OR5A1: variants seen among roughly 807,000 people sequenced by gnomAD.
OR5A1 encodes olfactory receptor 5A1.
Under a neutral mutation model 6.7 loss-of-function variants are expected in OR5A1, and 6 were observed. That is an observed-to-expected ratio of 0.89 (90% CI 0.49 to 1.76). The LOEUF is 1.76. OR5A1 is among the 40% of genes most tolerant of loss of function. The pLI, the probability that OR5A1 is intolerant of heterozygous loss-of-function variation, is 0.01. For synonymous variants in OR5A1, 170 were observed against 155.0 expected (o/e 1.10, Z -0.72); for missense variants, 378 against 381.7 (o/e 0.99, Z 0.08).
At position 59,444,784 on chromosome 11, in the gene OR5A1, T is replaced by A. The variant is rs1179061796; in HGVS notation, c.*668T>A. Reference sequence around the variant, plus strand: ...CTCCCTGTTGAATTCCAATTATGGCTACTGAGTAATTTGCTAAGCAAATGC... The same window carrying A: ...CTCCCTGTTGAATTCCAATTATGGCAACTGAGTAATTTGCTAAGCAAATGC... On this transcript the variant is annotated 3_prime_UTR_variant, in exon 2 of 2. Coordinates refer to ENST00000641045, the MANE Select transcript of OR5A1 (RefSeq NM_001004728.2). 6.6e-6 allele frequency: 1 copy of A among 152,224 alleles called. No homozygotes were observed. The highest frequency in any genetic ancestry group is 1.5e-5 in the Non-Finnish European group (1 of 68,054). The allele number at this position is 152,224 out of a possible 1,614,324, so 9.4% of individuals were successfully genotyped here.
chr11:59,450,786 A>C lies in OR5A1; in HGVS notation c.*6670A>C, dbSNP rs1213900772. The C allele has an allele frequency of 2.0e-5, 3 of 152,206 alleles. No individual in the cohort carries two copies. Among genetic ancestry groups the C allele is most frequent in the Non-Finnish European group, 4.4e-5 (3 of 68,036 alleles). The allele number at this position is 152,206 out of a possible 1,614,324, so 9.4% of individuals were successfully genotyped here. On this transcript the variant is annotated 3_prime_UTR_variant, in exon 2 of 2. Transcript: ENST00000641045. ...CATCATGTGACATATTCAGTGTTTT[A>C]ATCTGTCACTAAAAAGAAATCTTTC...
rs932134703 is a variant in OR5A1 at position 59,448,826 on chromosome 11, A to G, written c.*4710A>G. 6.6e-6 allele frequency: 1 copy of G among 152,206 alleles called. No homozygotes were observed. Among genetic ancestry groups the G allele is most frequent in the Non-Finnish European group, 1.5e-5 (1 of 68,034 alleles). 9.4% of individuals were successfully genotyped at this position (152,206 alleles called of 1,614,324 possible). A position where few individuals can be genotyped will look rare whatever the true frequency, so the allele number is the denominator to read the frequency against. On this transcript the variant is annotated 3_prime_UTR_variant, in exon 2 of 2. Transcript: ENST00000641045. ...TAATTGATCTGTTGGAAAAAAATCA[A>G]TTATGTGACCCAAATTGTGACCATT...
rs774227701 is a variant in OR5A1, at chr11:59,443,256, C to A, written c.88C>A (p.Leu30Ile). The change falls in exon 2 of 2, where the codon CTC becomes ATC. Residue 30 changes from leucine to isoleucine, a missense_variant. Physicochemically the swap from Leu to Ile is conservative, Grantham distance 5 (BLOSUM62 2). Transcript: ENST00000641045. ...FTDHPELQALLFVTFLGIYLT... is the reference protein window; with the variant it reads ...FTDHPELQALIFVTFLGIYLT... ...AGACCATCCAGAACTCCAGGCCCTCCTCTTTGTGACCTTCCTGGGCATCTA... is the reference window on the plus strand; with the variant it reads ...AGACCATCCAGAACTCCAGGCCCTCATCTTTGTGACCTTCCTGGGCATCTA... The A allele has an allele frequency of 6.2e-7, 1 of 1,613,900 alleles. No individual in the cohort carries two copies. The highest frequency in any genetic ancestry group is 8.5e-7 in the Non-Finnish European group (1 of 1,179,970).
At position 59,447,451 on chromosome 11, in the gene OR5A1, T is replaced by C. The variant is rs554393624; in HGVS notation, c.*3335T>C. 1.2e-4 allele frequency: 18 copies of C among 152,322 alleles called. No homozygotes were observed. The highest frequency in any genetic ancestry group is 1.0e-3 in the Admixed American group (16 of 15,302). 9.4% of individuals were successfully genotyped at this position (152,322 alleles called of 1,614,324 possible). A position where few individuals can be genotyped will look rare whatever the true frequency, so the allele number is the denominator to read the frequency against. On this transcript the variant is annotated 3_prime_UTR_variant, in exon 2 of 2. Coordinates refer to ENST00000641045, the MANE Select transcript of OR5A1 (RefSeq NM_001004728.2). ...TGCAACAATTAGGCCAGTAAAATTT[T>C]AGGAATGAAAAGTTGACACTATATC...
chr11:59,443,574 C>T lies in OR5A1; in HGVS notation c.406C>T (p.Pro136Ser), dbSNP rs376737822. Residue 136 changes from proline to serine, a missense_variant, in exon 2 of 2, where the codon CCC becomes TCC. Physicochemically the swap from Pro to Ser is moderately conservative, Grantham distance 74. Coordinates refer to ENST00000641045, the MANE Select transcript of OR5A1 (RefSeq NM_001004728.2). ...AGCCATCTCCAGCCCCCTTCTCTAC[C>T]CCACTATCATGACCCAGGGCCTCTG... ...YAAISSPLLYPTIMTQGLCTR... is the reference protein window; with the variant it reads ...YAAISSPLLYSTIMTQGLCTR... 101 of 1,613,944 alleles carry T rather than the reference C, an allele frequency of 6.3e-5. No homozygotes were observed. In the South Asian group the frequency reaches 1.0e-3, roughly 17 times the overall value.
At position 59,443,449 on chromosome 11, in the gene OR5A1, C is replaced by T. The variant is rs777859070; in HGVS notation, c.281C>T (p.Thr94Ile). Residue 94 changes from threonine (T) to isoleucine (I), a missense_variant, in exon 2 of 2, where the codon ACC becomes ATC. By Grantham distance (89) the Thr-to-Ile change is moderately conservative. Transcript: ENST00000641045. ...MLTDFFWEQK[T>I]ISFVGCAAQF... The stretch of plus-strand genomic sequence containing the variant: ...ACTGACTTCTTCTGGGAGCAGAAGA[C>T]CATATCATTTGTGGGCTGTGCTGCT... 16 of 1,613,938 alleles carry T rather than the reference C, an allele frequency of 9.9e-6. No homozygotes were observed. Among genetic ancestry groups the T allele is most frequent in the Middle Eastern group, 1.6e-4 (1 of 6,062 alleles).
In OR5A1 at chr11:59,449,568, C is replaced by T. The variant is rs1296985089; in HGVS notation, c.*5452C>T. On this transcript the variant is annotated 3_prime_UTR_variant, in exon 2 of 2. Transcript: ENST00000641045. ...CCATGTGTAAAAAAATAATAACTAG[C>T]ATGATCTCTTTCTTAAAAGGTGATT... 1 of 152,080 alleles carries T rather than the reference C, an allele frequency of 6.6e-6. No individual in the cohort carries two copies. The highest frequency in any genetic ancestry group is 2.4e-5 in the African/African-American group (1 of 41,412). 9.4% of individuals were successfully genotyped at this position (152,080 alleles called of 1,614,324 possible). A position where few individuals can be genotyped will look rare whatever the true frequency, so the allele number is the denominator to read the frequency against.
rs1858548959 is a variant in OR5A1 at position 59,446,337 on chromosome 11, G to T, written c.*2221G>T. On this transcript the variant is annotated 3_prime_UTR_variant, in exon 2 of 2. Transcript: ENST00000641045. Reference sequence around the variant, plus strand: ...TCTGAGATCTCTATTGTGTTCTATTGGTCTACGTGTCTGTTTTTGTACAAG... The same window carrying T: ...TCTGAGATCTCTATTGTGTTCTATTTGTCTACGTGTCTGTTTTTGTACAAG... The T allele has an allele frequency of 6.6e-6, 1 of 152,098 alleles. No homozygotes were observed. The highest frequency in any genetic ancestry group is 1.5e-5 in the Non-Finnish European group (1 of 68,020). The allele number at this position is 152,098 out of a possible 1,614,324, so 9.4% of individuals were successfully genotyped here.
Position 59,444,066 on chromosome 11 carries a change from A to G in OR5A1, c.898A>G (p.Ile300Val), listed in dbSNP as rs1158647428. ...CATTTACAGTTTGAGGAACAAAGAG[A>G]TCAAGGATGCCCTGTGGAAGGTGTT... ...PLIYSLRNKE[I>V]KDALWKVLER... Residue 300 changes from isoleucine (I) to valine (V), a missense_variant, in exon 2 of 2, where the codon ATC becomes GTC. Physicochemically the swap from Ile to Val is conservative, Grantham distance 29. Coordinates refer to ENST00000641045, the MANE Select transcript of OR5A1 (RefSeq NM_001004728.2). The G allele has an allele frequency of 6.2e-7, 1 of 1,613,972 alleles. No individual in the cohort carries two copies. Among genetic ancestry groups the G allele is most frequent in the Non-Finnish European group, 8.5e-7 (1 of 1,180,006 alleles).
In OR5A1 at chr11:59,449,821, T is replaced by C. The variant is rs1161446771; in HGVS notation, c.*5705T>C. Reference sequence around the variant, plus strand: ...TTGGGGAACTACTGCACATCAGGAGTTGCAAATGGACACCCCTTTGTTCAT... The same window carrying C: ...TTGGGGAACTACTGCACATCAGGAGCTGCAAATGGACACCCCTTTGTTCAT... On this transcript the variant is annotated 3_prime_UTR_variant, in exon 2 of 2. Transcript: ENST00000641045. 6.6e-6 allele frequency: 1 copy of C among 151,790 alleles called. No homozygotes were observed. The highest frequency in any genetic ancestry group is 2.1e-4 in the South Asian group (1 of 4,796). 9.4% of individuals were successfully genotyped at this position (151,790 alleles called of 1,614,324 possible).
Position 59,444,018 on chromosome 11 carries a change from G to C in OR5A1, c.850G>C (p.Val284Leu). 2 of 1,614,088 alleles carry C rather than the reference G, an allele frequency of 1.2e-6. No individual in the cohort carries two copies. Among genetic ancestry groups the C allele is most frequent in the Non-Finnish European group, 1.7e-6 (2 of 1,180,004 alleles). ...GGTGGTGTCTGTTTTCTATTCATTG[G>C]TGATCCCCATGCTGAACCCTCTCAT... ...DKVVSVFYSLVIPMLNPLIYS... is the reference protein window; with the variant it reads ...DKVVSVFYSLLIPMLNPLIYS... Residue 284 changes from valine to leucine, a missense_variant, in exon 2 of 2, where the codon GTG becomes CTG. Physicochemically the swap from Val to Leu is conservative, Grantham distance 32. Transcript: ENST00000641045.
chr11:59,437,690 A>C (rs182335227), intron 1 of OR5A1, among the ~76,000 whole-genome samples: 108 of 152,316 alleles, frequency 7.1e-4, no homozygotes, highest in African/African-American at 2.5e-3. Context: ...TCCAATTCAA[A>C]ATTGAAATTC....
In OR5A1 at chr11:59,443,238, C is replaced by T. The variant is rs921174569; in HGVS notation, c.70C>T (p.Pro24Ser). ...MFILLGFTDH[P>S]ELQALLFVTF... Reference sequence around the variant, plus strand: ...CATCCTCCTGGGATTCACAGACCATCCAGAACTCCAGGCCCTCCTCTTTGT... The same window carrying T: ...CATCCTCCTGGGATTCACAGACCATTCAGAACTCCAGGCCCTCCTCTTTGT... The change falls in exon 2 of 2, where the codon CCA (proline) becomes TCA (serine). Residue 24 changes from proline (P) to serine (S), a missense_variant. Physicochemically the swap from Pro to Ser is moderately conservative, Grantham distance 74. Coordinates refer to ENST00000641045, the MANE Select transcript of OR5A1 (RefSeq NM_001004728.2). The T allele has an allele frequency of 6.2e-7, 1 of 1,614,006 alleles. No homozygotes were observed. Among genetic ancestry groups the T allele is most frequent in the African/African-American group, 1.3e-5 (1 of 74,904 alleles).
At position 59,444,306 on chromosome 11, in the gene OR5A1, A is replaced by T. The variant is rs535929520; in HGVS notation, c.*190A>T. 21 of 208,374 alleles carry T rather than the reference A, an allele frequency of 1.0e-4. No homozygotes were observed. In the East Asian group the frequency reaches 1.4e-3, roughly 14 times the overall value. The allele number at this position is 208,374 out of a possible 1,614,324, so 12.9% of individuals were successfully genotyped here. On this transcript the variant is annotated 3_prime_UTR_variant, in exon 2 of 2. Transcript: ENST00000641045. ...TGTGCCATAGATAGCCAAAAAGGGA[A>T]GGAATTTCTTCAGAAAAAAAAAAAA...
rs770324514 is a variant in OR5A1 at position 59,443,807 on chromosome 11, G to A, written c.639G>A (p.Ser213=). The change falls in exon 2 of 2, where the codon TCG becomes TCA. Residue 213 remains serine (S), a synonymous_variant. Coordinates refer to ENST00000641045, the MANE Select transcript of OR5A1 (RefSeq NM_001004728.2). The part of the protein sequence containing the change: ...FLVVVTVGGT[S]FLQLLISYGY... ...TGGTGGTCACTGTCGGAGGAACATC[G>A]TTCCTCCAACTCCTTATCTCCTATG... The A allele has an allele frequency of 1.6e-5, 26 of 1,613,926 alleles. No homozygotes were observed. In the Admixed American group the frequency reaches 2.5e-4, roughly 16 times the overall value.
chr11:59,443,071 C>A, intron 1 of OR5A1, 65 bp from the exon 2 acceptor site: 1 of 842,118 alleles, frequency 1.2e-6, no homozygotes, highest in Non-Finnish European at 1.9e-6. Context: ...TCTGCCCTCC[C>A]TCTCAGGCAT....
rs1489591347 is a variant in OR5A1 at position 59,449,434 on chromosome 11, A to T, written c.*5318A>T. The T allele has an allele frequency of 1.3e-5, 2 of 152,344 alleles. No homozygotes were observed. The highest frequency in any genetic ancestry group is 2.9e-5 in the Non-Finnish European group (2 of 68,036). The allele number at this position is 152,344 out of a possible 1,614,324, so 9.4% of individuals were successfully genotyped here. Reference sequence around the variant, plus strand: ...ATCTTGAACTAGAAGCTTCAGGCTGATTAAGATCTCCTACTTCTAACCTAA... The same window carrying T: ...ATCTTGAACTAGAAGCTTCAGGCTGTTTAAGATCTCCTACTTCTAACCTAA... On this transcript the variant is annotated 3_prime_UTR_variant, in exon 2 of 2. Transcript: ENST00000641045.
chr11:59,443,307 G>A lies in OR5A1; in HGVS notation c.139G>A (p.Ala47Thr). 6.2e-7 allele frequency: 1 copy of A among 1,613,682 alleles called. No individual in the cohort carries two copies. The highest frequency in any genetic ancestry group is 8.5e-7 in the Non-Finnish European group (1 of 1,179,996). ...TCTTACCACCCTGGCCTGGAACCTG[G>A]CCCTCATTTTTCTGATCAGAGGTGA... is the stretch of plus-strand genomic sequence containing the variant. ...IYLTTLAWNL[A>T]LIFLIRGDTH... Residue 47 changes from alanine (A) to threonine (T), a missense_variant, in exon 2 of 2, where the codon GCC (alanine) becomes ACC (threonine). Physicochemically the swap from Ala to Thr is moderately conservative, Grantham distance 58. Coordinates refer to ENST00000641045, the MANE Select transcript of OR5A1 (RefSeq NM_001004728.2).
chr11:59,439,836 A>C (rs764539778), intron 1 of OR5A1, among the ~76,000 whole-genome samples: 1 of 152,212 alleles, frequency 6.6e-6, no homozygotes, highest in Non-Finnish European at 1.5e-5. Flanking sequence ...TGCATGGTCC[A>C]TTAGTGAACT....
Sources: allele counts gnomAD v4.1 joint callset (sites outside exome capture counted in the v4.1 genomes callset), GRCh38; gene constraint gnomAD v4.1.1; transcripts MANE v1.5; gene names NCBI Gene and HGNC (gene_info 2026-07-23, HGNC 2026-07-21).